AGBL3: variants seen among roughly 807,000 people sequenced by gnomAD.
AGBL3 encodes AGBL carboxypeptidase 3, also known as cytosolic carboxypeptidase 3.
Under a neutral mutation model 94.5 loss-of-function variants are expected in AGBL3, and 68 were observed. The ratio of observed to expected loss-of-function variants is 0.72; its 90% confidence interval spans 0.59 to 0.88. The LOEUF is 0.88. Ranked by LOEUF, AGBL3 falls within the 40% of genes least tolerant of loss-of-function variation. The pLI, the probability that AGBL3 is intolerant of heterozygous loss-of-function variation, is 0.00. For missense variants in AGBL3, 934 were observed against 1,103.8 expected (o/e 0.85, Z 2.18); for synonymous variants, 354 against 370.7 (o/e 0.95, Z 0.52).
chr7:135,108,077 C>T (rs1257862913), intron 15 of AGBL3, among the ~76,000 whole-genome samples: 2 of 152,080 alleles, frequency 1.3e-5, no homozygotes, highest in African/African-American at 2.4e-5. Flanking sequence ...GATTCTTCTC[C>T]ATCCCTTTAT....
intron 13 of AGBL3, among the ~76,000 whole-genome samples, chr7:135,077,707 GTC>G (rs1384552464): frequency 2.0e-5 from 1 of 48,942 alleles, no homozygotes; most frequent in Non-Finnish European, 5.4e-5. Context: ...ACTTGCCTCA[GTC>G]TCTTTTTCTG....
chr7:135,016,481 A>AT (rs1461576187), intron 4 of AGBL3, among the ~76,000 whole-genome samples: 1 of 152,044 alleles, frequency 6.6e-6, no homozygotes, highest in African/African-American at 2.4e-5. Context: ...CTGTGATGTC[A>AT]TTTTTCCCCC....
chr7:135,016,041 A>G (rs113802377), intron 4 of AGBL3, among the ~76,000 whole-genome samples: 1 of 3,042 alleles, frequency 3.3e-4, no homozygotes, highest in Admixed American at 0.02. Context: ...AAAAAAAAAA[A>G]AAAAAAAAAG....
intron 11 of AGBL3, 63 bp from the exon 12 acceptor site, chr7:135,059,106 C>A: frequency 2.4e-6 from 3 of 1,226,434 alleles, no homozygotes; most frequent in Non-Finnish European, 3.5e-6. Context: ...TAAATAAAAG[C>A]AACAGTTGAA....
At position 135,034,942 on chromosome 7, in the gene AGBL3, CA is replaced by C. The variant is rs780131105; in HGVS notation, c.1337+17del. 3 of 1,469,286 alleles carry C rather than the reference CA, an allele frequency of 2.0e-6. No homozygotes were observed. The highest frequency in any genetic ancestry group is 2.7e-6 in the Non-Finnish European group (3 of 1,112,456). 91.0% of individuals were successfully genotyped at this position (1,469,286 alleles called of 1,614,324 possible). A position where few individuals can be genotyped will look rare whatever the true frequency, so the allele number is the denominator to read the frequency against. ...CATGGTTCATAGGTAAAATAAGCCTCAAATTACCTCTGTGCTTATTTAGTAA... is the reference window on the plus strand; with the variant it reads ...CATGGTTCATAGGTAAAATAAGCCTCAATTACCTCTGTGCTTATTTAGTAA... On this transcript the variant is annotated intron_variant, in intron 7 of 16. Coordinates refer to ENST00000436302, the MANE Select transcript of AGBL3 (RefSeq NM_178563.4).
chr7:135,001,985 C>G (rs902222744), intron 4 of AGBL3, among the ~76,000 whole-genome samples: 2 of 152,172 alleles, frequency 1.3e-5, no homozygotes, highest in African/African-American at 4.8e-5. Flanking sequence ...ACAGCTGCTA[C>G]TTCACACCAT....
intron 5 of AGBL3, among the ~76,000 whole-genome samples, chr7:135,027,062 T>A (rs1815225436): frequency 6.6e-6 from 1 of 151,632 alleles, no homozygotes. Flanking sequence ...TTATTTGAAT[T>A]TTTGGAGACA....
At position 134,993,879 on chromosome 7, in the gene AGBL3, G is replaced by T. The variant is rs2718161; in HGVS notation, c.310+201G>T. ...GAAAATGAAATTAACTTTAAAAATG[G>T]ATTTTATTTAACCCAAATATATCCA... On this transcript the variant is annotated intron_variant, in intron 4 of 16. Coordinates refer to ENST00000436302, the MANE Select transcript of AGBL3 (RefSeq NM_178563.4). Among the ~76,000 whole-genome samples the T allele has an allele frequency of 0.068, 10,409 of 152,152 alleles. 1,146 individuals are homozygous for T. Among genetic ancestry groups the T allele is most frequent in the African/African-American group, 0.23 (9,695 of 41,466 alleles).
At position 135,058,067 on chromosome 7, in the gene AGBL3, G is replaced by A. The variant is rs1261442543; in HGVS notation, c.1842-1102G>A. On this transcript the variant is annotated intron_variant, in intron 11 of 16. Coordinates refer to ENST00000436302, the MANE Select transcript of AGBL3 (RefSeq NM_178563.4). ...GTATACCACAAGAGTAAACCCTAAG[G>A]TAAACTATAATTTTTAATAATGTAT... Among the ~76,000 whole-genome samples, 9 of 152,186 alleles carry A rather than the reference G, an allele frequency of 5.9e-5. No individual in the cohort carries two copies. The South Asian group carries it at 1.9e-3, about 32-fold the overall frequency.
At chr7:135,106,075 T>C (rs1016645965) in intron 15 of AGBL3, among the ~76,000 whole-genome samples, 4 of 152,220 alleles carry the variant, frequency 2.6e-5, no homozygotes, top group Non-Finnish European at 5.9e-5. Flanking sequence ...GTGATTTTTG[T>C]ACATTGATTT....
At chr7:135,105,657 G>C (rs1440569773) in intron 15 of AGBL3, among the ~76,000 whole-genome samples, 2 of 152,174 alleles carry the variant, frequency 1.3e-5, no homozygotes, top group Admixed American at 1.3e-4. Context: ...TTTGAAGTCA[G>C]GTAACGTGAT....
intron 12 of AGBL3, among the ~76,000 whole-genome samples, chr7:135,069,538 G>C (rs1819681050): frequency 6.6e-6 from 1 of 152,194 alleles, no homozygotes; most frequent in Non-Finnish European, 1.5e-5. Flanking sequence ...TCAGACCACA[G>C]TGCAATCAAA....
intron 16 of AGBL3, among the ~76,000 whole-genome samples, chr7:135,120,952 C>T (rs1008059303): frequency 6.6e-6 from 1 of 152,060 alleles, no homozygotes; most frequent in Non-Finnish European, 1.5e-5. Flanking sequence ...ACCTGTAATC[C>T]CAGCACCTTG....
intron 16 of AGBL3, among the ~76,000 whole-genome samples, chr7:135,132,430 T>C (rs145739103): frequency 6.6e-6 from 1 of 152,296 alleles, no homozygotes. Context: ...ATCCTATTAA[T>C]TGGCACAGAA....
At chr7:135,038,098 C>A (rs570986878) in intron 8 of AGBL3, among the ~76,000 whole-genome samples, 5 of 151,940 alleles carry the variant, frequency 3.3e-5, no homozygotes, top group African/African-American at 9.7e-5. Context: ...ATATTGGAGC[C>A]TCATTTACCA....
At chr7:135,072,302 T>G (rs1819996144) in intron 12 of AGBL3, among the ~76,000 whole-genome samples, 1 of 152,212 alleles carries the variant, frequency 6.6e-6, no homozygotes, top group African/African-American at 2.4e-5. Flanking sequence ...AGGAACACTT[T>G]CACACTGTTG....
chr7:135,111,193 TC>T, intron 15 of AGBL3, among the ~76,000 whole-genome samples: 1 of 41,080 alleles, frequency 2.4e-5, no homozygotes, highest in Non-Finnish European at 6.4e-5. Context: ...TAAATATCCC[TC>T]TGTTTAAGGT....
At chr7:134,991,208 G>A (rs28445526) in intron 3 of AGBL3, among the ~76,000 whole-genome samples, 1 of 113,934 alleles carries the variant, frequency 8.8e-6, no homozygotes, top group Non-Finnish European at 1.8e-5. Flanking sequence ...GGGTGGGGGG[G>A]GGGTTGGTTA....
intron 15 of AGBL3, among the ~76,000 whole-genome samples, chr7:135,087,708 T>C (rs1821439539): frequency 6.6e-6 from 1 of 152,054 alleles, no homozygotes; most frequent in South Asian, 2.1e-4. Flanking sequence ...ATTTCAGTTA[T>C]TTTAAATTTC....
Sources: allele counts gnomAD v4.1 joint callset (sites outside exome capture counted in the v4.1 genomes callset), GRCh38; gene constraint gnomAD v4.1.1; transcripts MANE v1.5; gene names NCBI Gene and HGNC (gene_info 2026-07-23, HGNC 2026-07-21).